The following FTO variants were observed in gnomAD, a reference collection of about 807,000 sequenced individuals.
FTO encodes alpha-ketoglutarate-dependent dioxygenase FTO.
FTO carries 47 observed loss-of-function variants against 63.9 expected under a neutral mutation model. That is an observed-to-expected ratio of 0.74 (90% CI 0.58 to 0.94). The LOEUF is 0.94. Ranked by LOEUF, FTO falls within the 40% of genes least tolerant of loss-of-function variation. The probability of loss-of-function intolerance (pLI) is 0.00; values close to 1 mark genes in which losing one functional copy is unlikely to be tolerated. For synonymous variants in FTO, 207 were observed against 224.4 expected, an observed-to-expected ratio of 0.92 and a Z score of 0.69; for missense variants, 562 against 618.1, an observed-to-expected ratio of 0.91 and a Z score of 0.96.
chr16:53,997,214 AAGG>A (rs1166983256), intron 8 of FTO, among the ~76,000 whole-genome samples: 1 of 134,826 alleles, frequency 7.4e-6, no homozygotes, highest in African/African-American at 2.5e-5. Context: ...AGAAGGAAGG[AAGG>A]AGAGAGAGAG....
chr16:53,831,164 A>G (rs1229038505), intron 3 of FTO, among the ~76,000 whole-genome samples: 1 of 152,190 alleles, frequency 6.6e-6, no homozygotes, highest in Admixed American at 6.6e-5. Context: ...GACCATGAAA[A>G]GCTAGTTTAT....
At chr16:53,883,278 G>A (rs2151896630) in intron 6 of FTO, among the ~76,000 whole-genome samples, 1 of 152,246 alleles carries the variant, frequency 6.6e-6, no homozygotes, top group Non-Finnish European at 1.5e-5. Flanking sequence ...ATGGATGGGA[G>A]AAATCTGTAA....
chr16:53,736,905 T>C (rs555400355), intron 1 of FTO, among the ~76,000 whole-genome samples: 1 of 152,198 alleles, frequency 6.6e-6, no homozygotes, highest in Non-Finnish European at 1.5e-5. Flanking sequence ...CTCATTCCCC[T>C]CCCCCAGATT....
chr16:54,069,914 GT>G (rs2085825322), intron 8 of FTO: 1 of 152,138 alleles, frequency 6.6e-6, no homozygotes, highest in African/African-American at 2.4e-5. Flanking sequence ...ATAAGCCTGG[GT>G]TTGATTATTG....
intron 7 of FTO, among the ~76,000 whole-genome samples, chr16:53,899,207 C>G (rs1215840552): frequency 2.0e-5 from 3 of 148,498 alleles, no homozygotes; most frequent in Non-Finnish European, 4.5e-5. Flanking sequence ...CACAGGCAAA[C>G]AACTTATGCA....
chr16:53,987,346 C>T (rs564025932), intron 8 of FTO, among the ~76,000 whole-genome samples: 4 of 151,778 alleles, frequency 2.6e-5, no homozygotes, highest in African/African-American at 7.3e-5. Context: ...TTTGGGAGGC[C>T]GAGACAGGTG....
intron 1 of FTO, among the ~76,000 whole-genome samples, chr16:53,806,052 T>C (rs2078358604): frequency 6.6e-6 from 1 of 152,216 alleles, no homozygotes; most frequent in Non-Finnish European, 1.5e-5. Flanking sequence ...GTGAGCTCCT[T>C]CTACCTGTGC....
intron 8 of FTO, among the ~76,000 whole-genome samples, chr16:54,111,380 G>A (rs2086882697): frequency 1.3e-5 from 2 of 152,122 alleles, no homozygotes; most frequent in Non-Finnish European, 2.9e-5. Context: ...CAGTAATCTA[G>A]TAATACATTG....
At chr16:53,759,121 G>A (rs1567961509) in intron 1 of FTO, among the ~76,000 whole-genome samples, 1 of 152,080 alleles carries the variant, frequency 6.6e-6, no homozygotes. Context: ...TTGTACTTTT[G>A]TGTGTTTGAA....
At chr16:53,844,107 G>A (rs1041994453) in intron 3 of FTO, 48 bp from the exon 4 acceptor site, 1 of 1,508,010 alleles carries the variant, frequency 6.6e-7, no homozygotes, top group Non-Finnish European at 9.2e-7. Flanking sequence ...AAATTCAGAA[G>A]CTTAGATTAA....
At chr16:53,833,645 G>A (rs1011288830) in intron 3 of FTO, among the ~76,000 whole-genome samples, 1 of 152,126 alleles carries the variant, frequency 6.6e-6, no homozygotes, top group Admixed American at 6.5e-5. Flanking sequence ...CATTTTTGAG[G>A]AACTGCTGTA....
chr16:53,871,373 A>G (rs949465789), intron 4 of FTO, among the ~76,000 whole-genome samples: 7 of 151,844 alleles, frequency 4.6e-5, no homozygotes, highest in African/African-American at 1.5e-4. Flanking sequence ...TTTATTTTGC[A>G]TAGTTTTTAT....
At chr16:53,971,706 T>G (rs1156325770) in intron 8 of FTO, among the ~76,000 whole-genome samples, 6 of 152,240 alleles carry the variant, frequency 3.9e-5, no homozygotes, top group Non-Finnish European at 1.5e-5. Context: ...GTGCTGCAGC[T>G]GCTACTTTTA....
chr16:54,006,419 T>C (rs1325218463), intron 8 of FTO, among the ~76,000 whole-genome samples: 2 of 152,224 alleles, frequency 1.3e-5, no homozygotes, highest in African/African-American at 4.8e-5. Flanking sequence ...ATCATATTTT[T>C]GTTGATTATT....
intron 3 of FTO, among the ~76,000 whole-genome samples, chr16:53,834,591 A>G (rs2079238825): frequency 6.6e-6 from 1 of 152,210 alleles, no homozygotes; most frequent in Non-Finnish European, 1.5e-5. Flanking sequence ...ACATAACAGC[A>G]GTAATTAGCA....
chr16:54,010,778 G>A (rs1338799068), intron 8 of FTO, among the ~76,000 whole-genome samples: 1 of 152,172 alleles, frequency 6.6e-6, no homozygotes, highest in Non-Finnish European at 1.5e-5. Flanking sequence ...TGAACGGCCA[G>A]GTGTTCTTTC....
At chr16:53,800,662 G>A (rs374359548) in intron 1 of FTO, among the ~76,000 whole-genome samples, 24 of 152,102 alleles carry the variant, frequency 1.6e-4, no homozygotes, top group East Asian at 1.2e-3. Context: ...CTGTTATTAG[G>A]TGTATATATG....
At chr16:53,947,467 G>A (rs532172375) in intron 8 of FTO, among the ~76,000 whole-genome samples, 88 of 152,266 alleles carry the variant, frequency 5.8e-4, no homozygotes, top group African/African-American at 2.1e-3. Context: ...GGAGAATAAG[G>A]GGGCGGAAGC....
rs539643436 is a variant in FTO at position 53,871,763 on chromosome 16, G to A, written c.896-2023G>A. On this transcript the variant is annotated intron_variant, in intron 4 of 8. Coordinates refer to ENST00000471389, the MANE Select transcript of FTO (RefSeq NM_001080432.3). The stretch of plus-strand genomic sequence containing the variant: ...AATTTTGAGATGGAGTTTCACTCTC[G>A]TTTCCCAGGCTGCAGTGCAATGGCG... Among the ~76,000 whole-genome samples, 5 of 150,996 alleles carry A rather than the reference G, an allele frequency of 3.3e-5. No homozygotes were observed. In the East Asian group the frequency reaches 5.8e-4, roughly 18 times the overall value.
Sources: gnomAD v4.1 joint callset for allele counts (sites outside exome capture counted in the v4.1 genomes callset) on GRCh38, gnomAD v4.1.1 for gene constraint, MANE v1.5 for transcripts, NCBI Gene and HGNC (gene_info 2026-07-23, HGNC 2026-07-21) for gene names.